KIAA1217: variants seen among roughly 807,000 people sequenced by gnomAD.
KIAA1217 encodes the protein KIAA1217, also known as sickle tail protein homolog.
KIAA1217 carries 88 observed loss-of-function variants against 163.9 expected under a neutral mutation model. That is an observed-to-expected ratio of 0.54 (90% CI 0.45 to 0.64). The LOEUF (loss-of-function observed/expected upper bound fraction) is 0.64. KIAA1217 is among the 30% of genes least tolerant of loss of function. The probability of loss-of-function intolerance (pLI) is 0.00; values close to 1 mark genes in which losing one functional copy is unlikely to be tolerated. For synonymous variants in KIAA1217, 903 were observed against 923.1 expected (o/e 0.98, Z 0.39); for missense variants, 2,372 against 2,475.0 (o/e 0.96, Z 0.88).
intron 17 of KIAA1217, chr10:24,542,384 G>A (rs2075222372): frequency 4.2e-6 from 2 of 477,674 alleles, no homozygotes; most frequent in Admixed American, 7.9e-5. Flanking sequence ...CTCACAATCT[G>A]ATGTTGAAAA....
intron 1 of KIAA1217, among the ~76,000 whole-genome samples, chr10:23,705,229 C>A (rs1836810121): frequency 6.6e-6 from 1 of 151,982 alleles, no homozygotes; most frequent in South Asian, 2.1e-4. Context: ...TGTAGGTTTT[C>A]TTTTCAGTTT....
At chr10:24,008,185 G>A (rs1002033405) in intron 2 of KIAA1217, among the ~76,000 whole-genome samples, 7 of 151,944 alleles carry the variant, frequency 4.6e-5, no homozygotes, top group Non-Finnish European at 8.8e-5. Flanking sequence ...TAGATAGATA[G>A]ATAGATAGAT....
At chr10:24,205,302 CAAAA>C (rs61292023), upstream of KIAA1217, among the ~76,000 whole-genome samples, 3 of 36,608 alleles carry the variant, frequency 8.2e-5, no homozygotes, top group East Asian at 4.2e-3. Context: ...ACTAAAAATA[CAAAA>C]AAAAAAAAAA....
rs115058359 is a variant in KIAA1217 at position 24,052,165 on chromosome 10, C to T, written c.-171+44791C>T. 5.3e-3 allele frequency among the ~76,000 whole-genome samples: 802 copies of T among 152,084 alleles called. 3 individuals are homozygous for T. The highest frequency in any genetic ancestry group is 0.018 in the African/African-American group (733 of 41,490). ...TGTATTGAGCAGGCAATGGTTGTGC[C>T]GATTCTTTATTGGATTTTATCTATG... On this transcript the variant is annotated intron_variant, in intron 2 of 18. Transcript: ENST00000376462.
intron 2 of KIAA1217, among the ~76,000 whole-genome samples, chr10:24,190,794 C>G (rs1463840309): frequency 6.6e-6 from 1 of 152,036 alleles, no homozygotes; most frequent in Non-Finnish European, 1.5e-5. Context: ...TGGATAGAGT[C>G]TATAAGAAGA....
At chr10:24,482,926 G>A (rs2064893472) in intron 6 of KIAA1217, 1 of 152,036 alleles carries the variant, frequency 6.6e-6, no homozygotes, top group African/African-American at 2.4e-5. Context: ...AGGCTAAGGT[G>A]GAAGGATCAC....
chr10:24,460,467 G>GC (rs1339062105), intron 5 of KIAA1217, among the ~76,000 whole-genome samples: 2 of 152,044 alleles, frequency 1.3e-5, no homozygotes, highest in Admixed American at 6.6e-5. Context: ...CCCCATCATT[G>GC]TTTTTTTCAT....
chr10:24,304,626 A>T (rs906221876), intron 2 of KIAA1217, among the ~76,000 whole-genome samples: 6 of 152,038 alleles, frequency 3.9e-5, no homozygotes, highest in African/African-American at 1.4e-4. Context: ...GAGCCACCAG[A>T]CCTGACCTTG....
intron 3 of KIAA1217, among the ~76,000 whole-genome samples, chr10:24,420,543 G>A (rs1023751356): frequency 2.6e-5 from 4 of 152,064 alleles, no homozygotes; most frequent in Non-Finnish European, 4.4e-5. Flanking sequence ...ATATTTTCCA[G>A]CATAGTTTAT....
chr10:24,147,864 A>G (rs1279810987), intron 2 of KIAA1217, among the ~76,000 whole-genome samples: 11 of 140,212 alleles, frequency 7.8e-5, no homozygotes, highest in African/African-American at 2.9e-4. Flanking sequence ...AAAAAAAAAG[A>G]AAGAAAGAGA....
intron 2 of KIAA1217, chr10:24,239,245 G>A: frequency 2.0e-6 from 2 of 985,384 alleles, no homozygotes; most frequent in Non-Finnish European, 2.4e-6. Context: ...CAGCTCCGAA[G>A]GAAGACCCTG....
In KIAA1217 at chr10:24,209,272, C is replaced by A. The variant is rs200762781; in HGVS notation, c.70+9C>A. 6.2e-7 allele frequency: 1 copy of A among 1,608,300 alleles called. No individual in the cohort carries two copies. Among genetic ancestry groups the A allele is most frequent in the East Asian group, 2.2e-5 (1 of 44,774 alleles). ...CAGAAGACAGATGCAGGGTAAGTAA[C>A]AGACCCATTCAAAGATGGAGTTACA... is the stretch of plus-strand genomic sequence containing the variant. On this transcript the variant is annotated intron_variant, in intron 1 of 20. Transcript: ENST00000376454.
chr10:24,301,910 T>C (rs2132723808), intron 2 of KIAA1217, among the ~76,000 whole-genome samples: 1 of 152,202 alleles, frequency 6.6e-6, no homozygotes, highest in South Asian at 2.1e-4. Flanking sequence ...CTGAGCGTGG[T>C]GGCGCCCGCC....
intron 1 of KIAA1217, among the ~76,000 whole-genome samples, chr10:24,001,792 G>C (rs377336083): frequency 6.6e-6 from 1 of 152,226 alleles, no homozygotes; most frequent in Admixed American, 6.5e-5. Context: ...ATCTCATCTG[G>C]AGGGCACACT....
chr10:24,466,901 G>C, intron 5 of KIAA1217: 1 of 544,190 alleles, frequency 1.8e-6, no homozygotes, highest in Non-Finnish European at 2.3e-6. Flanking sequence ...ACAAATTCTA[G>C]ACTTGGAAGG....
chr10:24,487,588 A>G (rs1199840655), intron 6 of KIAA1217, among the ~76,000 whole-genome samples: 1 of 152,254 alleles, frequency 6.6e-6, no homozygotes, highest in Non-Finnish European at 1.5e-5. Flanking sequence ...ATTTATGAAG[A>G]AAGATTAGAA....
chr10:23,856,144 A>T (rs542981534), intron 1 of KIAA1217, among the ~76,000 whole-genome samples: 276 of 152,106 alleles, frequency 1.8e-3, no homozygotes, highest in African/African-American at 5.6e-3. Context: ...ATGTGGTTTT[A>T]TCTGCTTTTG....
chr10:24,232,958 AAAAAG>A (rs2071646784), intron 2 of KIAA1217, among the ~76,000 whole-genome samples: 2 of 149,702 alleles, frequency 1.3e-5, no homozygotes, highest in African/African-American at 2.4e-5. Context: ...AAAAAAAAAA[AAAAAG>A]AATAAAGAAA....
intron 2 of KIAA1217, among the ~76,000 whole-genome samples, chr10:24,118,151 T>TA (rs75931103): frequency 0.056 from 6,945 of 123,312 alleles, 243 homozygotes; most frequent in East Asian, 0.2. Context: ...AAATAACGGT[T>TA]AAAAAAAAAA....
Sources: allele counts gnomAD v4.1 joint callset (sites outside exome capture counted in the v4.1 genomes callset), GRCh38; gene constraint gnomAD v4.1.1; transcripts MANE v1.5; gene names NCBI Gene and HGNC (gene_info 2026-07-23, HGNC 2026-07-21).